PHF24: variants seen among roughly 807,000 people sequenced by gnomAD.
The protein encoded by PHF24 is PHD finger protein 24, also known as Galpha inhibitory interacting protein.
Under a neutral mutation model 42.6 loss-of-function variants are expected in PHF24, and 25 were observed. The ratio of observed to expected loss-of-function variants is 0.59; its 90% CI spans 0.43 to 0.82. PHF24 has a LOEUF of 0.82. Ranked by LOEUF, PHF24 falls within the 40% of genes least tolerant of loss-of-function variation. The pLI is 0.00. For synonymous variants in PHF24, 185 were observed against 204.8 expected, an observed-to-expected ratio of 0.90 and a Z score of 0.83; for missense variants, 470 against 538.1, an observed-to-expected ratio of 0.87 and a Z score of 1.25.
chr9:34,954,253 GAC>G (rs1563922048), upstream of PHF24, among the ~76,000 whole-genome samples: 1 of 152,218 alleles, frequency 6.6e-6, no homozygotes, highest in Non-Finnish European at 1.5e-5. Context: ...TTTACTTCAG[GAC>G]ACACTGTCAC....
the PHF24 span, among the ~76,000 whole-genome samples, chr9:34,679,916 C>G: frequency 1.3e-5 from 2 of 152,110 alleles, no homozygotes; most frequent in Non-Finnish European, 2.9e-5. Flanking sequence ...TTTTGCCTGA[C>G]AGTCCAAATA....
the PHF24 span, among the ~76,000 whole-genome samples, chr9:34,879,487 A>T: frequency 4.6e-5 from 7 of 152,334 alleles, no homozygotes; most frequent in Non-Finnish European, 8.8e-5. Context: ...ACGAATGGCT[A>T]ACTAAACAGT....
chr9:34,857,972 GTT>G, the PHF24 span, among the ~76,000 whole-genome samples: 6,768 of 95,908 alleles, frequency 0.071, 320 homozygotes, highest in African/African-American at 0.16. Flanking sequence ...TGTTTCTCTG[GTT>G]TTTTTTTTTT....
At chr9:34,888,056 C>G in the PHF24 span, among the ~76,000 whole-genome samples, 6 of 152,026 alleles carry the variant, frequency 3.9e-5, no homozygotes, top group Non-Finnish European at 8.8e-5. Flanking sequence ...ACACGGCATG[C>G]TGTTGTTTGA....
the PHF24 span, chr9:34,838,474 A>G: frequency 1.5e-6 from 2 of 1,332,766 alleles, no homozygotes; most frequent in Admixed American, 2.0e-5. Context: ...ATCCCACAGA[A>G]CAAAAGTAGG....
chr9:34,884,060 T>C, the PHF24 span, among the ~76,000 whole-genome samples: 1 of 152,184 alleles, frequency 6.6e-6, no homozygotes, highest in Non-Finnish European at 1.5e-5. Flanking sequence ...TTCATGTTCT[T>C]TGTTTGGACA....
the PHF24 span, among the ~76,000 whole-genome samples, chr9:34,868,772 A>G: frequency 6.6e-6 from 1 of 151,424 alleles, no homozygotes; most frequent in Non-Finnish European, 1.5e-5. Context: ...TTTTCCTTCA[A>G]CTTTAAGTTC....
the PHF24 span, chr9:34,726,850 C>T: frequency 1.3e-4 from 203 of 1,551,772 alleles, no homozygotes; most frequent in African/African-American, 4.5e-4. Context: ...GCAATGGCCC[C>T]GATAAAGTCA....
the PHF24 span, among the ~76,000 whole-genome samples, chr9:34,706,288 G>C: frequency 5.3e-5 from 8 of 152,172 alleles, no homozygotes; most frequent in Non-Finnish European, 1.2e-4. Context: ...GACAGGAGAG[G>C]AGAGTTGGCA....
At chr9:34,796,707 T>C in the PHF24 span, among the ~76,000 whole-genome samples, 3 of 152,206 alleles carry the variant, frequency 2.0e-5, no homozygotes, top group African/African-American at 7.2e-5. Flanking sequence ...CATACATTGC[T>C]ACCAGGAATG....
chr9:34,742,379 C>T, the PHF24 span, among the ~76,000 whole-genome samples: 2 of 152,020 alleles, frequency 1.3e-5, no homozygotes, highest in African/African-American at 2.4e-5. Context: ...GGACTCTGAC[C>T]GTGGCCCAGT....
chr9:34,935,530 G>A, the PHF24 span, among the ~76,000 whole-genome samples: 1 of 150,414 alleles, frequency 6.6e-6, no homozygotes, highest in Non-Finnish European at 1.5e-5. Context: ...GGAGGCAGAG[G>A]TTGCAGTGAA....
At chr9:34,883,494 C>T in the PHF24 span, among the ~76,000 whole-genome samples, 1 of 152,158 alleles carries the variant, frequency 6.6e-6, no homozygotes, top group Non-Finnish European at 1.5e-5. Context: ...CCAGAATCTA[C>T]AATGAACTCA....
chr9:34,688,461 T>C, the PHF24 span, among the ~76,000 whole-genome samples: 1 of 152,182 alleles, frequency 6.6e-6, no homozygotes, highest in Non-Finnish European at 1.5e-5. Context: ...TCTGGTCTCA[T>C]CTGGGGAGAT....
At chr9:34,870,441 T>C in the PHF24 span, among the ~76,000 whole-genome samples, 5 of 152,172 alleles carry the variant, frequency 3.3e-5, no homozygotes, top group Non-Finnish European at 7.3e-5. Context: ...CCCCGTAACC[T>C]TTGGCAACTA....
At chr9:34,849,076 T>C in the PHF24 span, among the ~76,000 whole-genome samples, 1 of 152,242 alleles carries the variant, frequency 6.6e-6, no homozygotes, top group Non-Finnish European at 1.5e-5. Context: ...TTGTATATTC[T>C]GTTGATTTGG....
chr9:34,919,994 A>G, the PHF24 span, among the ~76,000 whole-genome samples: 1 of 152,296 alleles, frequency 6.6e-6, no homozygotes, highest in African/African-American at 2.4e-5. Context: ...GGCTATTGTG[A>G]ATAGTGCTGC....
the PHF24 span, among the ~76,000 whole-genome samples, chr9:34,809,377 C>T: frequency 6.6e-6 from 1 of 152,192 alleles, no homozygotes; most frequent in Non-Finnish European, 1.5e-5. The surrounding 1 kb of genome is among the most constrained non-coding windows in gnomAD (Gnocchi z 4.1). Flanking sequence ...TCACTTTCTT[C>T]GAAGCACGTG....
At chr9:34,975,689 G>A (rs1827159936) in intron 3 of PHF24, among the ~76,000 whole-genome samples, 1 of 151,770 alleles carries the variant, frequency 6.6e-6, no homozygotes, top group Non-Finnish European at 1.5e-5. Flanking sequence ...GCAGAGCTAG[G>A]ATTAAACTTT....
Sources: allele counts gnomAD v4.1 joint callset (sites outside exome capture counted in the v4.1 genomes callset), GRCh38; gene constraint gnomAD v4.1.1; non-coding constraint Gnocchi (gnomAD v3.1); transcripts MANE v1.5; gene names NCBI Gene and HGNC (gene_info 2026-07-23, HGNC 2026-07-21).